Variants in RANBP17 observed in about 807,000 individuals in gnomAD.
The protein encoded by RANBP17 is RAN binding protein 17.
Under a neutral mutation model 141.2 loss-of-function variants are expected in RANBP17, and 158 were observed. That is an observed-to-expected ratio of 1.12 (90% confidence interval 0.98 to 1.28). The LOEUF is 1.28. RANBP17 is among the 50% of genes most tolerant of loss of function. The pLI is 0.00. For missense variants in RANBP17, 1,438 were observed against 1,290.7 expected (o/e 1.11, Z -1.75); for synonymous variants, 430 against 450.0 (o/e 0.96, Z 0.56).
rs780717556 is a variant in RANBP17, at chr5:171,265,746, A to G, written c.2842A>G (p.Ile948Val). Residue 948 changes from isoleucine (I) to valine (V), a missense_variant, in exon 25 of 28, where the codon ATA becomes GTA. Coordinates refer to ENST00000523189, the MANE Select transcript of RANBP17 (RefSeq NM_022897.5). Reference protein sequence around the residue: ...DYIVTYLFKHIAKEGKKPLRC... With the variant: ...DYIVTYLFKHVAKEGKKPLRC... ...CATCGTCACCTACCTCTTCAAGCAC[A>G]TAGCAAAAGAGGGCAAGAAGCCACT... The G allele has an allele frequency of 2.5e-5, 40 of 1,614,124 alleles. No homozygotes were observed. In the Admixed American group the frequency reaches 6.0e-4, roughly 24 times the overall value.
chr5:171,005,696 T>C (rs959105346), intron 14 of RANBP17, among the ~76,000 whole-genome samples: 2 of 152,232 alleles, frequency 1.3e-5, no homozygotes, highest in African/African-American at 2.4e-5. Context: ...AAGGACTTCA[T>C]GTCTAAAACA....
At chr5:171,041,512 C>T (rs1782247448) in intron 14 of RANBP17, among the ~76,000 whole-genome samples, 1 of 152,006 alleles carries the variant, frequency 6.6e-6, no homozygotes, top group South Asian at 2.1e-4. Context: ...AAGAAATGTC[C>T]TTTTAGGCAA....
Position 170,881,899 on chromosome 5 carries a change from A to G in RANBP17, c.256+3A>G, listed in dbSNP as rs988481516. ...TGTTGAGCAGAGGATGGACATCAGT[A>G]AGTGGCTTATTATGCTTTTTAACCA... On this transcript the variant is annotated splice_donor_region_variant and intron_variant, in intron 3 of 27. Coordinates refer to ENST00000523189, the MANE Select transcript of RANBP17 (RefSeq NM_022897.5). The G allele has an allele frequency of 2.5e-6, 4 of 1,585,856 alleles. No individual in the cohort carries two copies. The highest frequency in any genetic ancestry group is 1.7e-6 in the Non-Finnish European group (2 of 1,166,092).
chr5:171,058,390 C>G (rs1204767228), intron 14 of RANBP17, among the ~76,000 whole-genome samples: 1 of 147,284 alleles, frequency 6.8e-6, no homozygotes, highest in Non-Finnish European at 1.5e-5. Context: ...CAATTCCCGC[C>G]CATGAGTGAG....
intron 1 of RANBP17, among the ~76,000 whole-genome samples, chr5:170,871,268 C>T (rs1349960264): frequency 6.6e-5 from 10 of 152,084 alleles, no homozygotes; most frequent in East Asian, 1.9e-4. Flanking sequence ...AGGATGGTCT[C>T]GAACTCCTGA....
chr5:171,118,842 C>CA (rs1184645349), intron 14 of RANBP17, among the ~76,000 whole-genome samples: 1 of 152,122 alleles, frequency 6.6e-6, no homozygotes, highest in East Asian at 1.9e-4. Flanking sequence ...TTAGGTTTAT[C>CA]TGTATATAGG....
At chr5:170,982,057 G>T (rs949755152) in intron 14 of RANBP17, among the ~76,000 whole-genome samples, 1 of 152,172 alleles carries the variant, frequency 6.6e-6, no homozygotes, top group African/African-American at 2.4e-5. Context: ...GTTTGAACAG[G>T]AGGTTCTAGG....
chr5:170,887,014 A>G (rs1410546784), intron 3 of RANBP17, among the ~76,000 whole-genome samples: 2 of 151,926 alleles, frequency 1.3e-5, no homozygotes, highest in African/African-American at 4.8e-5. Context: ...TTTCCAATAT[A>G]TTTATTGAAA....
intron 14 of RANBP17, among the ~76,000 whole-genome samples, chr5:171,154,740 A>G (rs1269695731): frequency 6.6e-6 from 1 of 152,130 alleles, no homozygotes; most frequent in African/African-American, 2.4e-5. Flanking sequence ...TTAACTGTAT[A>G]ACCTCAAGAA....
rs553086657 is a variant in RANBP17, at chr5:171,273,164, C to T, written c.2943+7317C>T. 8.5e-5 allele frequency among the ~76,000 whole-genome samples: 13 copies of T among 152,316 alleles called. No individual in the cohort carries two copies. The South Asian group carries it at 2.1e-3, about 24-fold the overall frequency. ...CACCATGTGCTTTGCATCTCTCTCCCGTATCCAGCACATCTCTCTTCATTG... is the reference window on the plus strand; with the variant it reads ...CACCATGTGCTTTGCATCTCTCTCCTGTATCCAGCACATCTCTCTTCATTG... On this transcript the variant is annotated intron_variant, in intron 25 of 27. Coordinates refer to ENST00000523189, the MANE Select transcript of RANBP17 (RefSeq NM_022897.5).
intron 14 of RANBP17, among the ~76,000 whole-genome samples, chr5:171,044,895 G>A (rs1380257461): frequency 6.6e-6 from 1 of 151,964 alleles, no homozygotes; most frequent in African/African-American, 2.4e-5. Flanking sequence ...GTGGAGTGCT[G>A]GATACAAAGA....
Position 171,101,384 on chromosome 5 carries a change from T to C in RANBP17, c.1711-68746T>C, listed in dbSNP as rs537416697. ...CTTTGTCTTTGTTGATCTTTGTTGA[T>C]TTAAAGTCTGTTTTATCAAGGGCGA... On this transcript the variant is annotated intron_variant, in intron 14 of 27. Transcript: ENST00000523189. Among the ~76,000 whole-genome samples the C allele has an allele frequency of 7.9e-5, 12 of 152,334 alleles. No homozygotes were observed. In the South Asian group the frequency reaches 2.5e-3, roughly 32 times the overall value.
At chr5:171,247,186 C>G (rs1303438274) in intron 24 of RANBP17, among the ~76,000 whole-genome samples, 1 of 152,154 alleles carries the variant, frequency 6.6e-6, no homozygotes. Flanking sequence ...CACCACACTA[C>G]CCTGCTAGAT....
At position 171,190,526 on chromosome 5, in the gene RANBP17, G is replaced by A. The variant is rs573609152; in HGVS notation, c.2038+7096G>A. 7.9e-5 allele frequency among the ~76,000 whole-genome samples: 12 copies of A among 152,088 alleles called. No individual in the cohort carries two copies. The East Asian group carries it at 1.9e-3, about 24-fold the overall frequency. The stretch of plus-strand genomic sequence containing the variant: ...AAATGAATGCAGAAAATCCCTTCAC[G>A]TGCAGAAAAAAATGGATGACCAACC... On this transcript the variant is annotated intron_variant, in intron 18 of 27. Coordinates refer to ENST00000523189, the MANE Select transcript of RANBP17 (RefSeq NM_022897.5).
chr5:170,989,872 A>G (rs991154054), intron 14 of RANBP17, among the ~76,000 whole-genome samples: 1 of 151,848 alleles, frequency 6.6e-6, no homozygotes, highest in Non-Finnish European at 1.5e-5. Context: ...ATGATTACAA[A>G]GATGTAAAAC....
At chr5:171,022,617 G>T (rs1205182843) in intron 14 of RANBP17, among the ~76,000 whole-genome samples, 1 of 152,192 alleles carries the variant, frequency 6.6e-6, no homozygotes, top group Non-Finnish European at 1.5e-5. Context: ...ACATGTCTTC[G>T]TACCAAGCCT....
At chr5:171,251,759 C>A in intron 24 of RANBP17, 1 of 908,814 alleles carries the variant, frequency 1.1e-6, no homozygotes. Flanking sequence ...CCGTTCCCCT[C>A]CTCCCGCGCC....
At chr5:171,203,779 G>C (rs1046752396) in intron 19 of RANBP17, among the ~76,000 whole-genome samples, 1 of 152,110 alleles carries the variant, frequency 6.6e-6, no homozygotes, top group Non-Finnish European at 1.5e-5. Context: ...GGTTCTTGTT[G>C]ACTAATTTAG....
chr5:171,000,401 T>G (rs920510532), intron 14 of RANBP17, among the ~76,000 whole-genome samples: 4 of 152,224 alleles, frequency 2.6e-5, no homozygotes, highest in African/African-American at 9.6e-5. Flanking sequence ...TTTTCTACTT[T>G]GTTTTACTGA....
Sources: gnomAD v4.1 joint callset for allele counts (sites outside exome capture counted in the v4.1 genomes callset) on GRCh38, gnomAD v4.1.1 for gene constraint, MANE v1.5 for transcripts, NCBI Gene and HGNC (gene_info 2026-07-23, HGNC 2026-07-21) for gene names.